Variants in AASS observed in about 807,000 individuals in gnomAD.
The protein encoded by AASS is aminoadipate-semialdehyde synthase.
In AASS, 86 loss-of-function variants were observed where a neutral mutation model predicts 105.4. The observed-to-expected ratio is 0.82, with a 90% confidence interval of 0.69 to 0.98. The LOEUF (loss-of-function observed/expected upper bound fraction) is 0.98, where lower values mean the gene tolerates loss of function less well. Among genes scored for constraint, AASS ranks in the 50% least tolerant of loss-of-function variants. The pLI, the probability that AASS is intolerant of heterozygous loss-of-function variation, is 0.00. For missense variants in AASS, 1,048 were observed against 1,143.2 expected (o/e 0.92, Z 1.20); for synonymous variants, 381 against 394.8 (o/e 0.96, Z 0.41).
intron 19 of AASS, among the ~76,000 whole-genome samples, chr7:122,082,267 C>T (rs1329786399): frequency 6.6e-6 from 1 of 151,858 alleles, no homozygotes; most frequent in Non-Finnish European, 1.5e-5. Flanking sequence ...ACAACATGCT[C>T]ATCTAGCCTA....
chr7:122,142,427 C>T (rs1183830845), intron 1 of AASS, among the ~76,000 whole-genome samples: 1 of 152,128 alleles, frequency 6.6e-6, no homozygotes, highest in East Asian at 1.9e-4. Flanking sequence ...AATCCCCCAC[C>T]CTTACATTAT....
intron 11 of AASS, among the ~76,000 whole-genome samples, chr7:122,112,212 C>T (rs1400584094): frequency 2.0e-5 from 3 of 152,166 alleles, no homozygotes; most frequent in East Asian, 1.9e-4. Context: ...TTACCTAATA[C>T]GGTTTTCATG....
chr7:122,112,824 T>A (rs1794998672), intron 11 of AASS, among the ~76,000 whole-genome samples: 1 of 152,078 alleles, frequency 6.6e-6, no homozygotes, highest in African/African-American at 2.4e-5. Context: ...GGCAAAAAAT[T>A]AAAAATAAAG....
intron 1 of AASS, among the ~76,000 whole-genome samples, chr7:122,139,606 AT>A (rs1796297593): frequency 6.6e-6 from 1 of 152,206 alleles, no homozygotes; most frequent in African/African-American, 2.4e-5. Flanking sequence ...AACTTTTTAA[AT>A]GTAACTCGAT....
At chr7:122,101,573 G>A in intron 12 of AASS, 48 bp downstream of exon 12, 1 of 1,530,434 alleles carries the variant, frequency 6.5e-7, no homozygotes, top group Non-Finnish European at 9.0e-7. Flanking sequence ...GAGCAAAAAT[G>A]GTAGTAAAAA....
chr7:122,125,716 C>T (rs759197896), intron 4 of AASS, among the ~76,000 whole-genome samples: 8 of 152,320 alleles, frequency 5.3e-5, no homozygotes, highest in Admixed American at 1.3e-4. Flanking sequence ...TTAATGCTTG[C>T]TTGGACCAGT....
chr7:122,090,791 G>A (rs1379960005), intron 18 of AASS, among the ~76,000 whole-genome samples: 1 of 152,090 alleles, frequency 6.6e-6, no homozygotes, highest in Non-Finnish European at 1.5e-5. Flanking sequence ...TTTAAGTGTA[G>A]CTGTTATCTT....
Position 122,118,491 on chromosome 7 carries a change from G to A in AASS, c.541-38C>T, listed in dbSNP as rs369021667. The A allele has an allele frequency of 3.1e-6, 5 of 1,613,954 alleles. No homozygotes were observed. In the African/African-American group the frequency reaches 6.7e-5, roughly 22 times the overall value. ...ATACACAACTCAAGTTAGTCCACCA[G>A]CTCAGCATTTTTTTTATTATTAAGG... On this transcript the variant is annotated intron_variant, in intron 5 of 23. Coordinates refer to ENST00000417368, the MANE Select transcript of AASS (RefSeq NM_005763.4).
intron 13 of AASS, among the ~76,000 whole-genome samples, chr7:122,100,376 T>C (rs914041661): frequency 9.2e-5 from 14 of 151,848 alleles, no homozygotes; most frequent in Admixed American, 5.3e-4. Flanking sequence ...TAAGAAACTC[T>C]CCTACAGGGT....
At chr7:122,079,806 A>C (rs1258378508) in intron 20 of AASS, 94 bp from the exon 21 acceptor site, 2 of 792,944 alleles carry the variant, frequency 2.5e-6, no homozygotes, top group Non-Finnish European at 4.3e-6. Context: ...TGAACTTCAA[A>C]TACACCTCAA....
chr7:122,139,615 G>C (rs1796298162), intron 1 of AASS, among the ~76,000 whole-genome samples: 2 of 151,978 alleles, frequency 1.3e-5, no homozygotes, highest in Non-Finnish European at 2.9e-5. Flanking sequence ...AATGTAACTC[G>C]ATCAAGATTT....
chr7:122,113,576 C>G, intron 10 of AASS, 22 bp downstream of exon 10: 1 of 1,612,522 alleles, frequency 6.2e-7, no homozygotes, highest in Non-Finnish European at 8.5e-7. Context: ...GGAATATCAT[C>G]TAACAACTTT....
chr7:122,134,635 T>G (rs1274161593), intron 1 of AASS, among the ~76,000 whole-genome samples: 1 of 152,214 alleles, frequency 6.6e-6, no homozygotes, highest in African/African-American at 2.4e-5. Flanking sequence ...TTTACAAAAG[T>G]ATTGGTCCTC....
At chr7:122,109,996 A>G (rs1468221600) in intron 11 of AASS, among the ~76,000 whole-genome samples, 2 of 152,218 alleles carry the variant, frequency 1.3e-5, no homozygotes, top group South Asian at 2.1e-4. Flanking sequence ...GCTGTACTCA[A>G]AGTAAATCTA....
intron 13 of AASS, among the ~76,000 whole-genome samples, 200 bp from the exon 14 acceptor site, chr7:122,099,066 T>G (rs929899440): frequency 6.6e-6 from 1 of 151,876 alleles, no homozygotes; most frequent in Non-Finnish European, 1.5e-5. Context: ...ATTTTACATT[T>G]TGTACAATGA....
At chr7:122,086,517 A>C (rs1793633821) in intron 18 of AASS, among the ~76,000 whole-genome samples, 1 of 151,574 alleles carries the variant, frequency 6.6e-6, no homozygotes, top group Non-Finnish European at 1.5e-5. Flanking sequence ...TAGAAAAAAA[A>C]TTTAAAATAA....
At chr7:122,139,363 G>GTGC (rs1796285810) in intron 1 of AASS, among the ~76,000 whole-genome samples, 1 of 152,080 alleles carries the variant, frequency 6.6e-6, no homozygotes, top group African/African-American at 2.4e-5. Context: ...AAATTAAATG[G>GTGC]TGCTGATCAA....
chr7:122,077,636 G>A (rs554764872), intron 23 of AASS, among the ~76,000 whole-genome samples: 12 of 152,294 alleles, frequency 7.9e-5, no homozygotes, highest in Non-Finnish European at 1.3e-4. Flanking sequence ...GAGCGGAAGC[G>A]GAAGTCAGGT....
chr7:122,088,761 T>G (rs1193723914), intron 18 of AASS, among the ~76,000 whole-genome samples: 2 of 152,046 alleles, frequency 1.3e-5, no homozygotes, highest in African/African-American at 4.8e-5. Flanking sequence ...TTAGACTACA[T>G]GTTTTGCCAG....
Sources: allele counts gnomAD v4.1 joint callset (sites outside exome capture counted in the v4.1 genomes callset), GRCh38; gene constraint gnomAD v4.1.1; transcripts MANE v1.5; gene names NCBI Gene and HGNC (gene_info 2026-07-23, HGNC 2026-07-21).